PAPPA: variants seen among roughly 807,000 people sequenced by gnomAD.
PAPPA encodes pappalysin 1.
Under a neutral mutation model 164.0 loss-of-function variants are expected in PAPPA, and 60 were observed. The observed-to-expected ratio is 0.37, with a 90% CI of 0.30 to 0.45. The LOEUF (loss-of-function observed/expected upper bound fraction) is 0.45, where lower values mean the gene tolerates loss of function less well. Among genes scored for constraint, PAPPA ranks in the 20% least tolerant of loss-of-function variants. The pLI, the probability that PAPPA is intolerant of heterozygous loss-of-function variation, is 1.00. For synonymous variants in PAPPA, 875 were observed against 814.1 expected (o/e 1.07, Z -1.27); for missense variants, 1,782 against 2,087.3 (o/e 0.85, Z 2.85).
At chr9:116,195,668 A>C (rs1241854581) in intron 2 of PAPPA, among the ~76,000 whole-genome samples, 1 of 152,204 alleles carries the variant, frequency 6.6e-6, no homozygotes, top group African/African-American at 2.4e-5. Flanking sequence ...GTGAAGTCTG[A>C]AAATAGCAGT....
In PAPPA at chr9:116,211,769, C is replaced by T. The variant is rs1844310113; in HGVS notation, c.1755C>T (p.Asp585=). ...TCTCAGAAATCCAGTCCTGCAGTGACCCCTGCATGGAGACAGAGCCCTCCT... is the reference window on the plus strand; with the variant it reads ...TCTCAGAAATCCAGTCCTGCAGTGATCCCTGCATGGAGACAGAGCCCTCCT... ...RGISEIQSCS[D]PCMETEPSFE... is the part of the protein sequence containing the mutation. Residue 585 remains aspartate (D), a synonymous_variant, in exon 4 of 22, where the codon GAC becomes GAT. Transcript: ENST00000328252. The T allele has an allele frequency of 1.9e-6, 3 of 1,613,980 alleles. No homozygotes were observed. Among genetic ancestry groups the T allele is most frequent in the Admixed American group, 1.7e-5 (1 of 59,988 alleles).
intron 3 of PAPPA, 32 bp downstream of exon 3, chr9:116,207,633 T>C: frequency 6.3e-7 from 1 of 1,585,426 alleles, no homozygotes; most frequent in East Asian, 2.2e-5. Flanking sequence ...AGGAGGCAAC[T>C]AGAGTAGGAC....
rs1587935780 is a variant in PAPPA at position 116,166,865 on chromosome 9, G to C, written c.415+12278G>C. 2.0e-5 allele frequency among the ~76,000 whole-genome samples: 3 copies of C among 152,122 alleles called. No homozygotes were observed. The East Asian group carries it at 5.8e-4, about 29-fold the overall frequency. On this transcript the variant is annotated intron_variant, in intron 1 of 21. Transcript: ENST00000328252. ...CAATTACTCTGTAAATGTACCATGA[G>C]AGAATGAATATATGAATGACTGAAT...
At chr9:116,325,496 C>T (rs183285060) in intron 10 of PAPPA, among the ~76,000 whole-genome samples, 116 of 152,152 alleles carry the variant, frequency 7.6e-4, no homozygotes, top group Non-Finnish European at 1.3e-3. Flanking sequence ...TGTCCATGGA[C>T]GGTATTTGAA....
intron 13 of PAPPA, among the ~76,000 whole-genome samples, chr9:116,344,102 A>G (rs572602427): frequency 1.4e-4 from 21 of 152,216 alleles, no homozygotes; most frequent in Non-Finnish European, 2.5e-4. Flanking sequence ...ATATGCCAGG[A>G]GTTCTGCTAT....
chr9:116,236,742 G>T (rs1006305646), intron 7 of PAPPA, among the ~76,000 whole-genome samples: 10 of 40,182 alleles, frequency 2.5e-4, no homozygotes, highest in Admixed American at 1.8e-3. Flanking sequence ...TAAGGTCTTT[G>T]CATCTTTTAC....
rs759149708 is a variant in PAPPA at position 116,353,748 on chromosome 9, C to A, written c.4302C>A (p.Phe1434Leu). Residue 1434 changes from phenylalanine (F) to leucine (L), a missense_variant, in exon 17 of 22, where the codon TTC becomes TTA. Around this residue, in one of 2 missense-constraint regions of PAPPA, gnomAD observed 1,324 missense variants for 1,656.9 expected, o/e 0.80. Transcript: ENST00000328252. ...GLYQCTNGFQ[F>L]NSECRIKCED... ...ACCAGTGTACTAATGGCTTCCAGTT[C>A]AACAGTGAGTGTAGGATCAAGTGTG... 11 of 1,613,936 alleles carry A rather than the reference C, an allele frequency of 6.8e-6. No homozygotes were observed. The highest frequency in any genetic ancestry group is 8.5e-6 in the Non-Finnish European group (10 of 1,179,980).
At chr9:116,280,996 T>C (rs538955210) in intron 9 of PAPPA, among the ~76,000 whole-genome samples, 1 of 152,302 alleles carries the variant, frequency 6.6e-6, no homozygotes, top group South Asian at 2.1e-4. Context: ...CAATCTCAGA[T>C]ACAAAATATT....
At chr9:116,333,120 A>G (rs1846015385) in intron 12 of PAPPA, among the ~76,000 whole-genome samples, 1 of 152,066 alleles carries the variant, frequency 6.6e-6, no homozygotes, top group Non-Finnish European at 1.5e-5. Flanking sequence ...GAATACCCAC[A>G]TGCACCGTGG....
intron 7 of PAPPA, among the ~76,000 whole-genome samples, chr9:116,255,583 G>T (rs985320067): frequency 1.9e-4 from 29 of 151,950 alleles, no homozygotes; most frequent in Non-Finnish European, 2.4e-4. Flanking sequence ...GTAAACCCTG[G>T]ATCTAAATTT....
At position 116,331,288 on chromosome 9, in the gene PAPPA, G is replaced by C; in HGVS notation, c.3192G>C (p.Gln1064His). ...TAGATCTCAGTGAAGGCATTTCCCA[G>C]CATGCCTGGTACCCTTGCACCATCA... ...KVIDLSEGISQHAWYPCTISY... is the reference protein window; with the variant it reads ...KVIDLSEGISHHAWYPCTISY... The change falls in exon 11 of 22, where the codon CAG (glutamine) becomes CAC (histidine). Residue 1064 changes from glutamine to histidine, a missense_variant. Physicochemically the swap from Gln to His is conservative, Grantham distance 24 (BLOSUM62 0). Around this residue, in one of 2 missense-constraint regions of PAPPA, gnomAD observed 1,324 missense variants for 1,656.9 expected, o/e 0.80. Coordinates refer to ENST00000328252, the MANE Select transcript of PAPPA (RefSeq NM_002581.5). 2 of 1,613,688 alleles carry C rather than the reference G, an allele frequency of 1.2e-6. No homozygotes were observed. Among genetic ancestry groups the C allele is most frequent in the Non-Finnish European group, 1.7e-6 (2 of 1,179,678 alleles).
Position 116,207,512 on chromosome 9 carries a change from A to G in PAPPA, c.1535A>G (p.His512Arg), listed in dbSNP as rs770982204. The G allele has an allele frequency of 6.2e-6, 10 of 1,613,226 alleles. No individual in the cohort carries two copies. Among genetic ancestry groups the G allele is most frequent in the Non-Finnish European group, 7.6e-6 (9 of 1,179,318 alleles). Reference protein sequence around the residue: ...KNILKLDGSTHLNIFFAKSSE... With the variant: ...KNILKLDGSTRLNIFFAKSSE... ...ATTCTTAAATTGGATGGATCAACAC[A>G]TCTCAATATTTTCTTTGCAAAATCC... is the stretch of plus-strand genomic sequence containing the variant. Residue 512 changes from histidine (H) to arginine (R), a missense_variant, in exon 3 of 22, where the codon CAT becomes CGT. Around this residue, in one of 2 missense-constraint regions of PAPPA, gnomAD observed 1,324 missense variants for 1,656.9 expected, o/e 0.80. Coordinates refer to ENST00000328252, the MANE Select transcript of PAPPA (RefSeq NM_002581.5).
chr9:116,266,101 C>T (rs924752225), intron 8 of PAPPA, 116 bp downstream of exon 8: 15 of 847,198 alleles, frequency 1.8e-5, no homozygotes, highest in Admixed American at 2.9e-5. Context: ...CTGTGAGCTA[C>T]TAGTGGTCCC....
At chr9:116,377,521 G>A in intron 19 of PAPPA, 55 bp from the exon 20 acceptor site, 1 of 1,249,886 alleles carries the variant, frequency 8.0e-7, no homozygotes, top group Non-Finnish European at 1.2e-6. Context: ...CCAACACGGA[G>A]GTGGGTCCCT....
chr9:116,321,871 GA>G (rs1362587294), intron 10 of PAPPA, among the ~76,000 whole-genome samples: 2 of 152,190 alleles, frequency 1.3e-5, no homozygotes, highest in African/African-American at 4.8e-5. Context: ...GGACAAACAA[GA>G]AACCATAATG....
intron 10 of PAPPA, chr9:116,318,303 C>T (rs1184620693): frequency 1.3e-5 from 2 of 152,148 alleles, no homozygotes; most frequent in African/African-American, 4.8e-5. Context: ...TCACCTCCCA[C>T]CCCCATGGGA....
intron 2 of PAPPA, among the ~76,000 whole-genome samples, chr9:116,207,164 G>C (rs1215545404): frequency 6.6e-6 from 1 of 152,164 alleles, no homozygotes; most frequent in Non-Finnish European, 1.5e-5. Context: ...CTTGAACTTA[G>C]TAAGGTATGA....
intron 1 of PAPPA, among the ~76,000 whole-genome samples, chr9:116,178,265 C>T (rs957430187): frequency 1.3e-5 from 2 of 152,044 alleles, no homozygotes; most frequent in Admixed American, 1.3e-4. Flanking sequence ...CATCACCATG[C>T]CCAGCTAATT....
At chr9:116,248,267 T>C (rs1218339229) in intron 7 of PAPPA, among the ~76,000 whole-genome samples, 2 of 152,206 alleles carry the variant, frequency 1.3e-5, no homozygotes, top group African/African-American at 2.4e-5. Flanking sequence ...ACACACCATG[T>C]GCTGGCCCTG....
Sources: allele counts gnomAD v4.1 joint callset (sites outside exome capture counted in the v4.1 genomes callset), GRCh38; gene constraint gnomAD v4.1.1; regional missense constraint gnomAD v4.1.1; transcripts MANE v1.5; gene names NCBI Gene and HGNC (gene_info 2026-07-23, HGNC 2026-07-21).